DLG1: variants seen among roughly 807,000 people sequenced by gnomAD.
DLG1 encodes the protein disks large homolog 1.
A neutral mutation model predicts 123.4 loss-of-function variants in DLG1; 42 were observed. The ratio of observed to expected loss-of-function variants is 0.34; its 90% CI spans 0.27 to 0.44. The LOEUF (loss-of-function observed/expected upper bound fraction) is 0.44. Ranked by LOEUF, DLG1 falls within the 20% of genes least tolerant of loss-of-function variation. The pLI is 1.00. For missense variants in DLG1, 942 were observed against 1,082.6 expected (o/e 0.87, Z 1.82); for synonymous variants, 317 against 356.2 (o/e 0.89, Z 1.24).
At chr3:197,176,049 C>A (rs979945286) in intron 5 of DLG1, among the ~76,000 whole-genome samples, 1 of 152,092 alleles carries the variant, frequency 6.6e-6, no homozygotes, top group Non-Finnish European at 1.5e-5. Flanking sequence ...GCCATCTAAA[C>A]AATCAAGACA....
In DLG1 at chr3:197,271,056, G is replaced by T. The variant is rs557586130; in HGVS notation, c.318+11623C>A. Among the ~76,000 whole-genome samples the T allele has an allele frequency of 4.6e-5, 7 of 152,264 alleles. No individual in the cohort carries two copies. In the East Asian group the frequency reaches 1.2e-3, roughly 25 times the overall value. On this transcript the variant is annotated intron_variant, in intron 4 of 24. Coordinates refer to ENST00000667157, the MANE Select transcript of DLG1 (RefSeq NM_001366207.1). The stretch of plus-strand genomic sequence containing the variant: ...TATTCTATCAGATTACAAAAGACTA[G>T]AGACACTGTACCAGATTTGGTATGT...
intron 13 of DLG1, among the ~76,000 whole-genome samples, chr3:197,105,908 C>T (rs780181653): frequency 6.6e-5 from 10 of 152,112 alleles, no homozygotes; most frequent in Non-Finnish European, 1.3e-4. Context: ...AAGGAACGAT[C>T]ATCATGCAAT....
At chr3:197,083,011 T>C (rs1331396559) in intron 16 of DLG1, among the ~76,000 whole-genome samples, 2 of 152,334 alleles carry the variant, frequency 1.3e-5, no homozygotes, top group African/African-American at 2.4e-5. Flanking sequence ...AGGTTTCTAC[T>C]GACTCAACAA....
chr3:197,280,026 T>C (rs1768432236), intron 4 of DLG1, among the ~76,000 whole-genome samples: 1 of 152,204 alleles, frequency 6.6e-6, no homozygotes, highest in African/African-American at 2.4e-5. Context: ...CATTCTGAAA[T>C]AGACAATAAA....
intron 14 of DLG1, among the ~76,000 whole-genome samples, chr3:197,094,370 G>GT (rs1299819894): frequency 1.3e-5 from 2 of 152,198 alleles, no homozygotes; most frequent in African/African-American, 2.4e-5. Context: ...AAGTGTGTGT[G>GT]TAACAATTCA....
At chr3:197,178,726 A>G (rs754320384) in intron 5 of DLG1, among the ~76,000 whole-genome samples, 11 of 152,192 alleles carry the variant, frequency 7.2e-5, no homozygotes, top group Non-Finnish European at 1.2e-4. Context: ...TCCACGAGTC[A>G]AAGGAGAAAA....
intron 23 of DLG1, among the ~76,000 whole-genome samples, chr3:197,059,204 C>T (rs1356450202): frequency 2.0e-5 from 3 of 152,146 alleles, no homozygotes; most frequent in African/African-American, 2.4e-5. Flanking sequence ...GGATTACAGA[C>T]GTGAGCCACT....
intron 5 of DLG1, among the ~76,000 whole-genome samples, chr3:197,164,260 G>A (rs1800168439): frequency 6.6e-6 from 1 of 151,896 alleles, no homozygotes; most frequent in South Asian, 2.1e-4. Context: ...AGCCGGGTGT[G>A]GTGGCCCATG....
Position 197,259,275 on chromosome 3 carries a change from T to A in DLG1, c.318+23404A>T, listed in dbSNP as rs180688475. Among the ~76,000 whole-genome samples, 3 of 152,206 alleles carry A rather than the reference T, an allele frequency of 2.0e-5. No individual in the cohort carries two copies. The East Asian group carries it at 5.8e-4, about 29-fold the overall frequency. ...TTTACCTAGAGGTACAGAGAAGACA[T>A]CTCCTTATAAACAGGGAATGGAAAC... On this transcript the variant is annotated intron_variant, in intron 4 of 24. Transcript: ENST00000667157.
chr3:197,224,769 T>TCA (rs1436499098), intron 4 of DLG1, among the ~76,000 whole-genome samples: 1 of 152,204 alleles, frequency 6.6e-6, no homozygotes, highest in African/African-American at 2.4e-5. Flanking sequence ...TAACAACCTT[T>TCA]CAGCCTAATT....
intron 18 of DLG1, chr3:197,075,854 A>G (rs201276458): frequency 1.4e-5 from 22 of 1,612,490 alleles, no homozygotes; most frequent in African/African-American, 2.7e-5. Flanking sequence ...TTTTGATCCC[A>G]TGTCGTCAGG....
intron 18 of DLG1, among the ~76,000 whole-genome samples, chr3:197,074,490 C>G (rs780432233): frequency 6.6e-6 from 1 of 152,042 alleles, no homozygotes; most frequent in Non-Finnish European, 1.5e-5. Flanking sequence ...TCCTATGTCT[C>G]TGTTCACTTA....
At chr3:197,172,467 G>C (rs907507184) in intron 5 of DLG1, among the ~76,000 whole-genome samples, 2 of 151,966 alleles carry the variant, frequency 1.3e-5, no homozygotes, top group South Asian at 4.1e-4. Context: ...CTTCTACTTA[G>C]AGCAGATTTC....
chr3:197,043,952 G>C lies in DLG1; in HGVS notation c.*671C>G, dbSNP rs1031484011. On this transcript the variant is annotated 3_prime_UTR_variant, in exon 25 of 25. Transcript: ENST00000667157. ...AACAACTTTTGTAAGACACGATAGTGTTGCTCAAGTAGATTAAAAACATTG... is the reference window on the plus strand; with the variant it reads ...AACAACTTTTGTAAGACACGATAGTCTTGCTCAAGTAGATTAAAAACATTG... 17 of 152,124 alleles carry C rather than the reference G, an allele frequency of 1.1e-4. No homozygotes were observed. The highest frequency in any genetic ancestry group is 4.1e-4 in the African/African-American group (17 of 41,424). 9.4% of individuals were successfully genotyped at this position (152,124 alleles called of 1,614,324 possible). A position where few individuals can be genotyped will look rare whatever the true frequency, so the allele number is the denominator to read the frequency against.
chr3:197,296,812 C>T, intron 2 of DLG1: 1 of 353,134 alleles, frequency 2.8e-6, no homozygotes, highest in Non-Finnish European at 5.1e-6. Context: ...AGATTATCTA[C>T]AATTTGTCAT....
chr3:197,094,363 T>A (rs548286527), intron 14 of DLG1, among the ~76,000 whole-genome samples: 2 of 152,284 alleles, frequency 1.3e-5, no homozygotes, highest in Admixed American at 1.3e-4. Context: ...TTCTTTTAAG[T>A]GTGTGTGTAA....
At chr3:197,074,096 A>G (rs1282236755) in intron 18 of DLG1, among the ~76,000 whole-genome samples, 1 of 152,100 alleles carries the variant, frequency 6.6e-6, no homozygotes, top group Non-Finnish European at 1.5e-5. Flanking sequence ...CACCTTGTCA[A>G]CTGCCTTATA....
intron 11 of DLG1, among the ~76,000 whole-genome samples, chr3:197,130,022 G>GGT (rs1781697769): frequency 6.6e-6 from 1 of 152,112 alleles, no homozygotes; most frequent in Non-Finnish European, 1.5e-5. Flanking sequence ...GAGACATGAA[G>GGT]TGAGAACATG....
chr3:197,239,266 C>T (rs892097738), intron 4 of DLG1, among the ~76,000 whole-genome samples: 17 of 151,752 alleles, frequency 1.1e-4, no homozygotes, highest in Non-Finnish European at 1.3e-4. Context: ...CCTATCAAGA[C>T]TAAACCATGA....
Sources: gnomAD v4.1 joint callset for allele counts (sites outside exome capture counted in the v4.1 genomes callset) on GRCh38, gnomAD v4.1.1 for gene constraint, MANE v1.5 for transcripts, NCBI Gene and HGNC (gene_info 2026-07-23, HGNC 2026-07-21) for gene names.